Variants in PATE2 observed in about 807,000 individuals in gnomAD.
The protein encoded by PATE2 is prostate and testis expressed protein 2.
Under a neutral mutation model 10.5 loss-of-function variants are expected in PATE2, and 7 were observed. That is an observed-to-expected ratio of 0.66 (90% confidence interval 0.38 to 1.25). The LOEUF (loss-of-function observed/expected upper bound fraction) is 1.25, where lower values mean the gene tolerates loss of function less well. PATE2 is among the 50% of genes most tolerant of loss of function. The pLI is 0.02. For synonymous variants in PATE2, 44 were observed against 46.9 expected, an observed-to-expected ratio of 0.94 and a Z score of 0.25; for missense variants, 133 against 135.4, an observed-to-expected ratio of 0.98 and a Z score of 0.09.
Position 125,778,546 on chromosome 11 carries a change from T to A in PATE2, c.76+6A>T, listed in dbSNP as rs746430130. 6.2e-7 allele frequency: 1 copy of A among 1,613,422 alleles called. No homozygotes were observed. Among genetic ancestry groups the A allele is most frequent in the Non-Finnish European group, 8.5e-7 (1 of 1,179,514 alleles). ...ACCAAGGACTTCAGAGAAGCCATGATTGTACCTTTTATAGGGTCATGAAGT... is the reference window on the plus strand; with the variant it reads ...ACCAAGGACTTCAGAGAAGCCATGAATGTACCTTTTATAGGGTCATGAAGT... On this transcript the variant is annotated splice_donor_region_variant and intron_variant, in intron 2 of 3. Transcript: ENST00000358524.
At position 125,777,027 on chromosome 11, in the gene PATE2, A is replaced by G; in HGVS notation, c.*355T>C. On this transcript the variant is annotated 3_prime_UTR_variant, in exon 4 of 4. Coordinates refer to ENST00000358524, the MANE Select transcript of PATE2 (RefSeq NM_212555.3). ...GTGTGTGTAGATGAGGATAGAGGAT[A>G]GTCACAGAATTCTCAGTACAAATTG... The G allele has an allele frequency of 2.3e-5, 4 of 174,878 alleles. No individual in the cohort carries two copies. The highest frequency in any genetic ancestry group is 2.4e-3 in the Middle Eastern group (1 of 414). 10.8% of individuals were successfully genotyped at this position (174,878 alleles called of 1,614,324 possible). A position where few individuals can be genotyped will look rare whatever the true frequency, so the allele number is the denominator to read the frequency against.
At chr11:125,777,549 A>C in intron 3 of PATE2, 31 bp from the exon 4 acceptor site, 1 of 1,612,276 alleles carries the variant, frequency 6.2e-7, no homozygotes, top group Non-Finnish European at 8.5e-7. Context: ...AAATATGATC[A>C]TAATGACCTC....
rs748102381 is a variant in PATE2, at chr11:125,777,334, A to G, written c.*48T>C. ...AAATTCAGGTTCAGGGAAGAGAAAA[A>G]GAGCGTAGTGGTTGAAAAAGAACCC... On this transcript the variant is annotated 3_prime_UTR_variant, in exon 4 of 4. Coordinates refer to ENST00000358524, the MANE Select transcript of PATE2 (RefSeq NM_212555.3). The G allele has an allele frequency of 1.3e-6, 2 of 1,592,928 alleles. No individual in the cohort carries two copies. The highest frequency in any genetic ancestry group is 1.7e-6 in the Non-Finnish European group (2 of 1,164,424).
chr11:125,778,164 G>A (rs1013228387), intron 2 of PATE2, among the ~76,000 whole-genome samples, 162 bp from the exon 3 acceptor site: 9 of 151,864 alleles, frequency 5.9e-5, no homozygotes, highest in African/African-American at 1.2e-4. Flanking sequence ...ATCATGCTGC[G>A]GTCCTCCCCA....
intron 2 of PATE2, 72 bp from the exon 3 acceptor site, chr11:125,778,074 AC>A: frequency 6.5e-7 from 1 of 1,527,610 alleles, no homozygotes; most frequent in Non-Finnish European, 8.9e-7. Context: ...GGGCTTCACT[AC>A]AGGACCTTAT....
In PATE2 at chr11:125,777,438, C is replaced by A; in HGVS notation, c.286G>T (p.Val96Leu). 1 of 1,613,768 alleles carries A rather than the reference C, an allele frequency of 6.2e-7. No homozygotes were observed. Among genetic ancestry groups the A allele is most frequent in the Non-Finnish European group, 8.5e-7 (1 of 1,179,792 alleles). The change falls in exon 4 of 4, where the codon GTA becomes TTA. Residue 96 changes from valine to leucine, a missense_variant. Coordinates refer to ENST00000358524, the MANE Select transcript of PATE2 (RefSeq NM_212555.3). ...DINFLGFTKRVELICCDHSNY... is the reference protein window; with the variant it reads ...DINFLGFTKRLELICCDHSNY... The stretch of plus-strand genomic sequence containing the variant: ...CTATGATCACAACAGATGAGCTCTA[C>A]CCTCTTCGTGAACCCCAGGAAGTTG...
intron 2 of PATE2, among the ~76,000 whole-genome samples, chr11:125,778,266 G>C (rs1373651456): frequency 6.6e-6 from 1 of 152,098 alleles, no homozygotes; most frequent in Admixed American, 6.6e-5. Context: ...CACTGTATAT[G>C]ATTTCAGGAG....
In PATE2 at chr11:125,776,676, A is replaced by C. The variant is rs1311475085; in HGVS notation, c.*706T>G. 6.6e-6 allele frequency: 1 copy of C among 152,188 alleles called. No individual in the cohort carries two copies. The highest frequency in any genetic ancestry group is 2.4e-5 in the African/African-American group (1 of 41,446). 9.4% of individuals were successfully genotyped at this position (152,188 alleles called of 1,614,324 possible). A position where few individuals can be genotyped will look rare whatever the true frequency, so the allele number is the denominator to read the frequency against. ...CACTCTGTTCCCAATCCAATCACCT[A>C]GTTCAACCATGTGCCCAAGGCTGCC... On this transcript the variant is annotated 3_prime_UTR_variant, in exon 4 of 4. Coordinates refer to ENST00000358524, the MANE Select transcript of PATE2 (RefSeq NM_212555.3).
Position 125,777,326 on chromosome 11 carries a change from A to G in PATE2, c.*56T>C, listed in dbSNP as rs1645635254. The G allele has an allele frequency of 6.4e-7, 1 of 1,572,822 alleles. No homozygotes were observed. Among genetic ancestry groups the G allele is most frequent in the Non-Finnish European group, 8.7e-7 (1 of 1,148,064 alleles). On this transcript the variant is annotated 3_prime_UTR_variant, in exon 4 of 4. Coordinates refer to ENST00000358524, the MANE Select transcript of PATE2 (RefSeq NM_212555.3). The stretch of plus-strand genomic sequence containing the variant: ...GGAGAGCAAAATTCAGGTTCAGGGA[A>G]GAGAAAAAGAGCGTAGTGGTTGAAA...
In PATE2 at chr11:125,777,867, A is replaced by C. The variant is rs962203890; in HGVS notation, c.205+7T>G. The C allele has an allele frequency of 6.2e-7, 1 of 1,612,742 alleles. No individual in the cohort carries two copies. Among genetic ancestry groups the C allele is most frequent in the Admixed American group, 1.7e-5 (1 of 59,824 alleles). ...TGATTTTCCAGTCACTCTATACTCC[A>C]CATTACCTTTCCTTGTAAGGATGTA... On this transcript the variant is annotated splice_region_variant and intron_variant, in intron 3 of 3. Coordinates refer to ENST00000358524, the MANE Select transcript of PATE2 (RefSeq NM_212555.3).
At chr11:125,778,039 T>A in intron 2 of PATE2, 37 bp from the exon 3 acceptor site, 1 of 1,605,508 alleles carries the variant, frequency 6.2e-7, no homozygotes, top group Non-Finnish European at 8.5e-7. Flanking sequence ...GAGGATGCAG[T>A]CTTGAGAATA....
In PATE2 at chr11:125,777,224, C is replaced by T; in HGVS notation, c.*158G>A. On this transcript the variant is annotated 3_prime_UTR_variant, in exon 4 of 4. Transcript: ENST00000358524. ...CTCCATCATCAATAGGCTCCGCTGT[C>T]CACACTGCGTCTCCTTATGCCTGCT... 4 of 794,144 alleles carry T rather than the reference C, an allele frequency of 5.0e-6. No homozygotes were observed. The highest frequency in any genetic ancestry group is 3.9e-5 in the South Asian group (2 of 50,766). 49.2% of individuals were successfully genotyped at this position (794,144 alleles called of 1,614,324 possible).
At position 125,777,357 on chromosome 11, in the gene PATE2, C is replaced by A. The variant is rs759700450; in HGVS notation, c.*25G>T. 3.1e-6 allele frequency: 5 copies of A among 1,608,884 alleles called. No individual in the cohort carries two copies. The highest frequency in any genetic ancestry group is 1.1e-5 in the South Asian group (1 of 90,704). On this transcript the variant is annotated 3_prime_UTR_variant, in exon 4 of 4. Transcript: ENST00000358524. Reference sequence around the variant, plus strand: ...AAAGAGCGTAGTGGTTGAAAAAGAACCCAAAATCCAGGAGAGACGTAGAAC... The same window carrying A: ...AAAGAGCGTAGTGGTTGAAAAAGAAACCAAAATCCAGGAGAGACGTAGAAC...
Position 125,777,338 on chromosome 11 carries a change from C to A in PATE2, c.*44G>T, listed in dbSNP as rs770957125. ...TCAGGTTCAGGGAAGAGAAAAAGAGCGTAGTGGTTGAAAAAGAACCCAAAA... is the reference window on the plus strand; with the variant it reads ...TCAGGTTCAGGGAAGAGAAAAAGAGAGTAGTGGTTGAAAAAGAACCCAAAA... On this transcript the variant is annotated 3_prime_UTR_variant, in exon 4 of 4. Coordinates refer to ENST00000358524, the MANE Select transcript of PATE2 (RefSeq NM_212555.3). The A allele has an allele frequency of 3.8e-6, 6 of 1,598,966 alleles. No individual in the cohort carries two copies. The East Asian group carries it at 1.1e-4, about 30-fold the overall frequency.
chr11:125,777,742 T>C, intron 3 of PATE2, 132 bp downstream of exon 3: 5 of 1,244,352 alleles, frequency 4.0e-6, no homozygotes, highest in Non-Finnish European at 5.5e-6. Flanking sequence ...GAAAAGTCTG[T>C]CTTTGCCATC....
In PATE2 at chr11:125,778,609, T is replaced by A. The variant is rs754156643; in HGVS notation, c.53-34A>T. The A allele has an allele frequency of 7.4e-6, 12 of 1,611,974 alleles. No homozygotes were observed. The South Asian group carries it at 1.3e-4, about 18-fold the overall frequency. On this transcript the variant is annotated intron_variant, in intron 1 of 3. Coordinates refer to ENST00000358524, the MANE Select transcript of PATE2 (RefSeq NM_212555.3). ...AGAAGAAAAACCTTCCATGTTACAG[T>A]CTCACATACATCTGCCACTGCCCCA...
chr11:125,778,233 A>G (rs1943505349), intron 2 of PATE2, among the ~76,000 whole-genome samples: 1 of 152,168 alleles, frequency 6.6e-6, no homozygotes, highest in Admixed American at 6.5e-5. Context: ...TGTGAAAGAT[A>G]ACCTGTACAA....
In PATE2 at chr11:125,777,967, G is replaced by C; in HGVS notation, c.112C>G (p.His38Asp). The C allele has an allele frequency of 6.2e-7, 1 of 1,613,070 alleles. No individual in the cohort carries two copies. The highest frequency in any genetic ancestry group is 8.5e-7 in the Non-Finnish European group (1 of 1,179,282). The change falls in exon 3 of 4, where the codon CAT (histidine) becomes GAT (aspartate). Residue 38 changes from histidine to aspartate, a missense_variant. Transcript: ENST00000358524. ...ATGACACCATAGCATAACCCAAGAT[G>C]ATATTTTTTACATTCATAACACATT... ...EIMCYECKKY[H>D]LGLCYGVMTS...
Position 125,777,287 on chromosome 11 carries a change from C to T in PATE2, c.*95G>A. 5 of 1,413,246 alleles carry T rather than the reference C, an allele frequency of 3.5e-6. No individual in the cohort carries two copies. Among genetic ancestry groups the T allele is most frequent in the Non-Finnish European group, 4.9e-6 (5 of 1,024,072 alleles). 87.5% of individuals were successfully genotyped at this position (1,413,246 alleles called of 1,614,324 possible). ...ATGAGCTGGCTTTCTCACTCTCTACCAATGCATAGAAGAGGAGAGCAAAAT... is the reference window on the plus strand; with the variant it reads ...ATGAGCTGGCTTTCTCACTCTCTACTAATGCATAGAAGAGGAGAGCAAAAT... On this transcript the variant is annotated 3_prime_UTR_variant, in exon 4 of 4. Coordinates refer to ENST00000358524, the MANE Select transcript of PATE2 (RefSeq NM_212555.3).
Sources: gnomAD v4.1 joint callset for allele counts (sites outside exome capture counted in the v4.1 genomes callset) on GRCh38, gnomAD v4.1.1 for gene constraint, MANE v1.5 for transcripts, NCBI Gene and HGNC (gene_info 2026-07-23, HGNC 2026-07-21) for gene names.